Variants in FREM2 observed in about 807,000 individuals in gnomAD.
The protein encoded by FREM2 is FRAS1-related extracellular matrix protein 2.
A neutral mutation model predicts 219.9 loss-of-function variants in FREM2; 119 were observed. That is an observed-to-expected ratio of 0.54 (90% CI 0.47 to 0.63). FREM2 has a LOEUF of 0.63. FREM2 is among the 30% of genes least tolerant of loss of function. The pLI is 0.00. For synonymous variants in FREM2, 1,562 were observed against 1,522.8 expected, an observed-to-expected ratio of 1.03 and a Z score of -0.60; for missense variants, 4,030 against 3,993.6, an observed-to-expected ratio of 1.01 and a Z score of -0.25.
At chr13:38,869,961 CT>C (rs1395269331) in intron 16 of FREM2, among the ~76,000 whole-genome samples, 1 of 152,196 alleles carries the variant, frequency 6.6e-6, no homozygotes, top group Non-Finnish European at 1.5e-5. Flanking sequence ...TAAACAGCGA[CT>C]GATAACATCG....
intron 2 of FREM2, among the ~76,000 whole-genome samples, chr13:38,717,336 A>G (rs1303721624): frequency 6.6e-6 from 1 of 151,786 alleles, no homozygotes; most frequent in Non-Finnish European, 1.5e-5. Flanking sequence ...AATGCTGTGG[A>G]ACCACCAAGA....
intron 6 of FREM2, among the ~76,000 whole-genome samples, chr13:38,795,879 TTAA>T (rs371124941): frequency 3.2e-4 from 48 of 152,292 alleles, no homozygotes; most frequent in African/African-American, 1.1e-3. Context: ...TTCACTTAAC[TTAA>T]TAACCTCCAG....
intron 6 of FREM2, among the ~76,000 whole-genome samples, chr13:38,841,524 T>C (rs531226521): frequency 6.6e-6 from 1 of 152,188 alleles, no homozygotes; most frequent in East Asian, 1.9e-4. Flanking sequence ...GTATACTTCC[T>C]ATTTGGGAAC....
intron 6 of FREM2, among the ~76,000 whole-genome samples, chr13:38,821,006 G>A (rs945063835): frequency 3.3e-5 from 5 of 152,140 alleles, no homozygotes; most frequent in African/African-American, 9.7e-5. Flanking sequence ...TCTGACATTG[G>A]TGGATATACC....
intron 6 of FREM2, among the ~76,000 whole-genome samples, chr13:38,841,719 A>T (rs969405154): frequency 5.9e-5 from 9 of 152,174 alleles, no homozygotes; most frequent in African/African-American, 2.2e-4. Flanking sequence ...CCACTGCCTG[A>T]TGCTAAGAGT....
Position 38,687,758 on chromosome 13 carries a change from C to G in FREM2, c.414C>G (p.Tyr138Ter). The G allele has an allele frequency of 6.5e-7, 1 of 1,544,562 alleles. No individual in the cohort carries two copies. Among genetic ancestry groups the G allele is most frequent in the Non-Finnish European group, 8.7e-7 (1 of 1,142,912 alleles). The change falls in exon 1 of 24, where the codon TAC (tyrosine) becomes TAG (stop). Residue 138 changes from tyrosine to a stop codon, truncating the protein, a stop_gained. Coordinates refer to ENST00000280481, the MANE Select transcript of FREM2 (RefSeq NM_207361.6). LOFTEE classifies it high-confidence loss of function. Reference protein sequence around the residue: ...PCDFGPGEVRYSHLGARSPSR... With the variant: ...PCDFGPGEVR ...ACTTTGGCCCTGGCGAGGTGCGCTACTCTCACCTGGGCGCGCGCAGCCCGT... is the reference window on the plus strand; with the variant it reads ...ACTTTGGCCCTGGCGAGGTGCGCTAGTCTCACCTGGGCGCGCGCAGCCCGT...
chr13:38,818,643 A>G (rs1460347274), intron 6 of FREM2, among the ~76,000 whole-genome samples: 3 of 152,102 alleles, frequency 2.0e-5, no homozygotes, highest in African/African-American at 7.2e-5. Context: ...TAGTGTGACT[A>G]TGGTTAACAA....
chr13:38,814,590 T>C (rs777913236), intron 6 of FREM2, among the ~76,000 whole-genome samples: 32 of 152,162 alleles, frequency 2.1e-4, no homozygotes, highest in Non-Finnish European at 4.4e-4. Context: ...GTTGGAACTA[T>C]GCTGAGTCAC....
At chr13:38,811,519 A>G (rs1875474306) in intron 6 of FREM2, among the ~76,000 whole-genome samples, 1 of 152,064 alleles carries the variant, frequency 6.6e-6, no homozygotes, top group African/African-American at 2.4e-5. Context: ...ATTTGTTTCA[A>G]AAAATTTTTC....
Position 38,689,348 on chromosome 13 carries a change from C to A in FREM2, c.2004C>A (p.Asp668Glu). ...CCCATAGTCCTGGGCCAGTCACAGACCAGTTCACATTTAGAGTCCAGGATA... is the reference window on the plus strand; with the variant it reads ...CCCATAGTCCTGGGCCAGTCACAGAACAGTTCACATTTAGAGTCCAGGATA... ...SGPHSPGPVT[D>E]QFTFRVQDNH... Residue 668 changes from aspartate to glutamate, a missense_variant, in exon 1 of 24, where the codon GAC (aspartate) becomes GAA (glutamate). Coordinates refer to ENST00000280481, the MANE Select transcript of FREM2 (RefSeq NM_207361.6). 1 of 1,614,072 alleles carries A rather than the reference C, an allele frequency of 6.2e-7. No individual in the cohort carries two copies. The highest frequency in any genetic ancestry group is 8.5e-7 in the Non-Finnish European group (1 of 1,179,998).
intron 7 of FREM2, 33 bp from the exon 8 acceptor site, chr13:38,848,428 C>G: frequency 6.9e-7 from 1 of 1,452,930 alleles, no homozygotes; most frequent in South Asian, 1.1e-5. Flanking sequence ...TTTAATTAGT[C>G]CCCAACTGAA....
intron 2 of FREM2, among the ~76,000 whole-genome samples, chr13:38,762,589 G>A (rs899305736): frequency 7.9e-5 from 12 of 152,038 alleles, no homozygotes; most frequent in East Asian, 2.0e-4. Flanking sequence ...ACAGGCATGC[G>A]CCACCATGCC....
intron 12 of FREM2, 41 bp from the exon 13 acceptor site, chr13:38,857,834 T>C (rs1233405246): frequency 1.3e-6 from 2 of 1,564,514 alleles, no homozygotes; most frequent in Non-Finnish European, 1.8e-6. Context: ...ATCAAAAGTT[T>C]AATATTTCAC....
chr13:38,801,883 C>T (rs1303421531), intron 6 of FREM2, among the ~76,000 whole-genome samples: 1 of 152,112 alleles, frequency 6.6e-6, no homozygotes, highest in African/African-American at 2.4e-5. Context: ...TCTTGGTTTT[C>T]TGGACCATGG....
At chr13:38,826,428 G>A (rs1448853248) in intron 6 of FREM2, among the ~76,000 whole-genome samples, 1 of 152,022 alleles carries the variant, frequency 6.6e-6, no homozygotes, top group Non-Finnish European at 1.5e-5. Context: ...CAATGCAATA[G>A]CGTTGACTGC....
rs183244111 is a variant in FREM2 at position 38,751,298 on chromosome 13, G to A, written c.5264-13006G>A. Among the ~76,000 whole-genome samples, 5 of 147,486 alleles carry A rather than the reference G, an allele frequency of 3.4e-5. No homozygotes were observed. In the East Asian group the frequency reaches 1.0e-3, roughly 30 times the overall value. ...GCAATTCCCTTTTCTCCACATCCTT[G>A]CCAACACCTGCTGTCTCCAAATCAA... On this transcript the variant is annotated intron_variant, in intron 2 of 23. Coordinates refer to ENST00000280481, the MANE Select transcript of FREM2 (RefSeq NM_207361.6).
At chr13:38,738,960 G>T (rs1412637769) in intron 2 of FREM2, among the ~76,000 whole-genome samples, 3 of 152,182 alleles carry the variant, frequency 2.0e-5, no homozygotes, top group Non-Finnish European at 4.4e-5. Flanking sequence ...ACTCGGCAAG[G>T]TAACTAACTT....
At chr13:38,764,076 C>A (rs1873340669) in intron 2 of FREM2, among the ~76,000 whole-genome samples, 1 of 152,114 alleles carries the variant, frequency 6.6e-6, no homozygotes. Context: ...ACCTACTTCC[C>A]CTCCTAAAAC....
intron 6 of FREM2, among the ~76,000 whole-genome samples, chr13:38,830,415 T>C (rs188445727): frequency 4.6e-5 from 7 of 152,280 alleles, no homozygotes. Context: ...CTGCCCTAGC[T>C]CAAGACCTCA....
Sources: gnomAD v4.1 joint callset for allele counts (sites outside exome capture counted in the v4.1 genomes callset) on GRCh38, gnomAD v4.1.1 for gene constraint, MANE v1.5 for transcripts, NCBI Gene and HGNC (gene_info 2026-07-23, HGNC 2026-07-21) for gene names.